The following PMVK variants were observed in gnomAD, a reference collection of about 807,000 sequenced individuals.
The protein encoded by PMVK is phosphomevalonate kinase.
In PMVK, 10 loss-of-function variants were observed where a neutral mutation model predicts 19.0. The ratio of observed to expected loss-of-function variants is 0.53; its 90% CI spans 0.32 to 0.89. The LOEUF (loss-of-function observed/expected upper bound fraction) is 0.89, where lower values mean the gene tolerates loss of function less well. PMVK is among the 40% of genes least tolerant of loss of function. The pLI is 0.03. For missense variants in PMVK, 222 were observed against 251.1 expected (o/e 0.88, Z 0.78); for synonymous variants, 108 against 101.6 (o/e 1.06, Z -0.38).
chr1:154,929,756 T>C (rs1571380637), intron 2 of PMVK, among the ~76,000 whole-genome samples: 1 of 152,106 alleles, frequency 6.6e-6, no homozygotes, highest in African/African-American at 2.4e-5. Flanking sequence ...CAGGAGAGGT[T>C]ACTCTGACCA....
Position 154,926,351 on chromosome 1 carries a change from C to A in PMVK, c.442+3G>T. On this transcript the variant is annotated splice_donor_region_variant and intron_variant, in intron 4 of 4. Transcript: ENST00000368467. ...CCTGTGCCCTACACATAGAGTGGCTCACCTGGCGTGAACACCCAGCCCCGC... is the reference window on the plus strand; with the variant it reads ...CCTGTGCCCTACACATAGAGTGGCTAACCTGGCGTGAACACCCAGCCCCGC... 6.2e-7 allele frequency: 1 copy of A among 1,612,456 alleles called. No individual in the cohort carries two copies.
rs577373892 is a variant in PMVK at position 154,929,242 on chromosome 1, G to A, written c.160-66C>T. On this transcript the variant is annotated intron_variant, in intron 2 of 4. Coordinates refer to ENST00000368467, the MANE Select transcript of PMVK (RefSeq NM_006556.4). Reference sequence around the variant, plus strand: ...CCTCAGTGGTCTCTCCTAAAACAGCGGAAGAGCCATCCCTCACCCTCACCT... The same window carrying A: ...CCTCAGTGGTCTCTCCTAAAACAGCAGAAGAGCCATCCCTCACCCTCACCT... The A allele has an allele frequency of 1.0e-4, 152 of 1,493,952 alleles. 1 individual carries two copies. The highest frequency in any genetic ancestry group is 6.8e-4 in the South Asian group (60 of 87,690). The allele number at this position is 1,493,952 out of a possible 1,614,324, so 92.5% of individuals were successfully genotyped here.
At chr1:154,929,223 T>C (rs1380124459) in intron 2 of PMVK, 47 bp from the exon 3 acceptor site, 2 of 1,593,854 alleles carry the variant, frequency 1.3e-6, no homozygotes, top group African/African-American at 1.3e-5. Flanking sequence ...TCAACCTCAG[T>C]GGTCTCTCCT....
At chr1:154,938,975 C>T (rs1654587172), upstream of PMVK, among the ~76,000 whole-genome samples, 1 of 152,118 alleles carries the variant, frequency 6.6e-6, no homozygotes, top group African/African-American at 2.4e-5. Flanking sequence ...CTGGCCTCAG[C>T]CTCCAAAAGT....
chr1:154,939,668 G>A (rs1654600597), upstream of PMVK, among the ~76,000 whole-genome samples: 1 of 146,832 alleles, frequency 6.8e-6, no homozygotes, highest in Non-Finnish European at 1.5e-5. Context: ...TCACGCCACT[G>A]CACTCCAGCC....
Position 154,925,055 on chromosome 1 carries a change from G to A in PMVK, c.*74C>T, listed in dbSNP as rs1654097874. 7.2e-7 allele frequency: 1 copy of A among 1,393,776 alleles called. No homozygotes were observed. Among genetic ancestry groups the A allele is most frequent in the South Asian group, 1.2e-5 (1 of 82,774 alleles). 86.3% of individuals were successfully genotyped at this position (1,393,776 alleles called of 1,614,324 possible). A position where few individuals can be genotyped will look rare whatever the true frequency, so the allele number is the denominator to read the frequency against. On this transcript the variant is annotated 3_prime_UTR_variant, in exon 5 of 5. Transcript: ENST00000368467. The stretch of plus-strand genomic sequence containing the variant: ...TGTTCCTCACCTCGGCCAGGATCGG[G>A]GGACACCCCCATTTTGCAGAGTCAG...
At chr1:154,938,375 AG>A (rs1311560890), upstream of PMVK, among the ~76,000 whole-genome samples, 1 of 152,226 alleles carries the variant, frequency 6.6e-6, no homozygotes, top group Non-Finnish European at 1.5e-5. Flanking sequence ...GGATCACCTG[AG>A]GGCAGGAGTT....
At chr1:154,928,558 G>T (rs1654239598) in intron 3 of PMVK, among the ~76,000 whole-genome samples, 1 of 152,110 alleles carries the variant, frequency 6.6e-6, no homozygotes, top group Non-Finnish European at 1.5e-5. Flanking sequence ...GATCACCTGA[G>T]GTCAGGAGTT....
At chr1:154,927,448 CAAAAAAAAAAAA>C (rs59872946) in intron 3 of PMVK, among the ~76,000 whole-genome samples, 1 of 35,546 alleles carries the variant, frequency 2.8e-5, no homozygotes, top group Non-Finnish European at 6.1e-5. Context: ...GACTCTGTCT[CAAAAAAAAAAAA>C]AAAAAAAAAA....
At chr1:154,931,768 C>CT (rs112361150) in intron 2 of PMVK, among the ~76,000 whole-genome samples, 8,528 of 135,904 alleles carry the variant, frequency 0.063, 814 homozygotes, top group African/African-American at 0.21. Flanking sequence ...TTGGTATTGG[C>CT]TTTTTTTTTT....
At chr1:154,939,215 G>T (rs1654590900), upstream of PMVK, among the ~76,000 whole-genome samples, 1 of 152,100 alleles carries the variant, frequency 6.6e-6, no homozygotes, top group Non-Finnish European at 1.5e-5. Context: ...CACACCCTGG[G>T]CTTTGTCATC....
intron 3 of PMVK, among the ~76,000 whole-genome samples, chr1:154,928,120 T>C (rs1654224305): frequency 6.6e-6 from 1 of 152,144 alleles, no homozygotes; most frequent in Non-Finnish European, 1.5e-5. Context: ...TAGGGTGCTA[T>C]AGGAGCACCT....
At position 154,924,951 on chromosome 1, in the gene PMVK, T is replaced by C. The variant is rs1040691659; in HGVS notation, c.*178A>G. The C allele has an allele frequency of 1.5e-5, 10 of 655,084 alleles. 1 individual carries two copies. The highest frequency in any genetic ancestry group is 1.3e-4 in the Admixed American group (5 of 38,236). 40.6% of individuals were successfully genotyped at this position (655,084 alleles called of 1,614,324 possible). A position where few individuals can be genotyped will look rare whatever the true frequency, so the allele number is the denominator to read the frequency against. ...CTGAAGAGCATGGCTGTCTTCCCCA[T>C]GGAGAAAATGAGGTCTCCAGAGGTT... On this transcript the variant is annotated 3_prime_UTR_variant, in exon 5 of 5. Coordinates refer to ENST00000368467, the MANE Select transcript of PMVK (RefSeq NM_006556.4).
At chr1:154,940,120 T>C (rs911553182), upstream of PMVK, among the ~76,000 whole-genome samples, 1 of 152,230 alleles carries the variant, frequency 6.6e-6, no homozygotes, top group Non-Finnish European at 1.5e-5. Flanking sequence ...TCTGGACTAG[T>C]CCTGTCATTC....
intron 1 of PMVK, 173 bp downstream of exon 1, chr1:154,936,418 G>C: frequency 2.0e-6 from 2 of 985,396 alleles, no homozygotes; most frequent in Non-Finnish European, 2.4e-6. Context: ...GCTCGCCTGT[G>C]TAGACTACTG....
At chr1:154,931,248 C>T (rs191758835) in intron 2 of PMVK, among the ~76,000 whole-genome samples, 176 of 152,124 alleles carry the variant, frequency 1.2e-3, no homozygotes, top group African/African-American at 2.2e-3. Flanking sequence ...TATGTGGTTC[C>T]GGAAACCACA....
intron 2 of PMVK, among the ~76,000 whole-genome samples, chr1:154,932,002 T>C (rs959781376): frequency 1.3e-5 from 2 of 152,116 alleles, no homozygotes; most frequent in South Asian, 4.1e-4. Context: ...ACTAAATTTC[T>C]AGGAGCAAAG....
chr1:154,941,800 G>A, the PMVK span, among the ~76,000 whole-genome samples: 6 of 152,186 alleles, frequency 3.9e-5, no homozygotes, highest in Admixed American at 3.9e-4. Flanking sequence ...AGGCAATGGG[G>A]AAAGCCTGGG....
intron 1 of PMVK, among the ~76,000 whole-genome samples, chr1:154,932,621 T>C (rs1654373381): frequency 1.3e-5 from 2 of 152,348 alleles, no homozygotes; most frequent in Middle Eastern, 3.4e-3. Flanking sequence ...ACAGGATTAT[T>C]ATGAAACTCT....
Sources: gnomAD v4.1 joint callset for allele counts (sites outside exome capture counted in the v4.1 genomes callset) on GRCh38, gnomAD v4.1.1 for gene constraint, MANE v1.5 for transcripts, NCBI Gene and HGNC (gene_info 2026-07-23, HGNC 2026-07-21) for gene names.